TTC21A: variants seen among roughly 807,000 people sequenced by gnomAD.
TTC21A encodes tetratricopeptide repeat protein 21A.
A neutral mutation model predicts 156.4 loss-of-function variants in TTC21A; 128 were observed. The ratio of observed to expected loss-of-function variants is 0.82; its 90% CI spans 0.71 to 0.95. The LOEUF is 0.95. TTC21A is among the 40% of genes least tolerant of loss of function. The pLI is 0.00. For missense variants in TTC21A, 1,435 were observed against 1,602.3 expected (o/e 0.90, Z 1.78); for synonymous variants, 587 against 617.1 (o/e 0.95, Z 0.72).
chr3:39,134,256 G>T lies in TTC21A; in HGVS notation c.2790G>T (p.Gly930=), dbSNP rs1398876681. The T allele has an allele frequency of 4.3e-6, 7 of 1,613,860 alleles. No homozygotes were observed. The highest frequency in any genetic ancestry group is 5.9e-6 in the Non-Finnish European group (7 of 1,179,922). Residue 930 remains glycine, a synonymous_variant, in exon 21 of 29, where the codon GGG becomes GGT. Coordinates refer to ENST00000683103, the MANE Select transcript of TTC21A (RefSeq NM_001366900.1). The surrounding 1 kb of genome is among the most constrained non-coding windows in gnomAD (Gnocchi z 4.6). ...LELAQLYLLQ[G]HLDLCEQHCA... ...TGGCGCAGCTCTACCTGCTCCAGGG[G>T]CACCTGGACCTGTGTGAGCAGCACT...
chr3:39,130,673 G>A lies in TTC21A; in HGVS notation c.2320-28G>A, dbSNP rs754024172. ...GGCACTGAAGGGCAGAACCAGGCCA[G>A]AGGCTAATATTTACTGTTTGCACTA... is the stretch of plus-strand genomic sequence containing the variant. On this transcript the variant is annotated intron_variant, in intron 17 of 28. Coordinates refer to ENST00000683103, the MANE Select transcript of TTC21A (RefSeq NM_001366900.1). This position sits in a 1 kb window ranked among gnomAD's most constrained non-coding sequence, Gnocchi z 4.5. The A allele has an allele frequency of 6.2e-7, 1 of 1,612,576 alleles. No homozygotes were observed. The highest frequency in any genetic ancestry group is 1.3e-5 in the African/African-American group (1 of 74,894).
At position 39,130,649 on chromosome 3, in the gene TTC21A, G is replaced by A; in HGVS notation, c.2320-52G>A. The A allele has an allele frequency of 6.2e-7, 1 of 1,602,982 alleles. No homozygotes were observed. Among genetic ancestry groups the A allele is most frequent in the Non-Finnish European group, 8.5e-7 (1 of 1,172,674 alleles). On this transcript the variant is annotated intron_variant, in intron 17 of 28. Coordinates refer to ENST00000683103, the MANE Select transcript of TTC21A (RefSeq NM_001366900.1). The surrounding 1 kb of genome is among the most constrained non-coding windows in gnomAD (Gnocchi z 4.5). ...GCTGCTGAGGGGAACATGGTGTCGG[G>A]CACTGAAGGGCAGAACCAGGCCAGA...
rs750989863 is a variant in TTC21A at position 39,126,241 on chromosome 3, C to G, written c.1393-20C>G. ...GAATAGGGCAAACCTACTCCCACCT[C>G]CACCGCCGTGTTCCCACAGCCCAGG... On this transcript the variant is annotated intron_variant, in intron 11 of 28. Coordinates refer to ENST00000683103, the MANE Select transcript of TTC21A (RefSeq NM_001366900.1). The G allele has an allele frequency of 1.2e-6, 2 of 1,613,914 alleles. No homozygotes were observed. Among genetic ancestry groups the G allele is most frequent in the South Asian group, 1.1e-5 (1 of 91,062 alleles).
chr3:39,126,483 C>T (rs2038258325), intron 12 of TTC21A, 93 bp downstream of exon 12: 3 of 647,980 alleles, frequency 4.6e-6, no homozygotes, highest in Admixed American at 3.0e-5. Flanking sequence ...ACTACACACA[C>T]ACACACACAC....
At position 39,118,146 on chromosome 3, in the gene TTC21A, T is replaced by C. The variant is rs2037446019; in HGVS notation, c.794T>C (p.Met265Thr). The C allele has an allele frequency of 6.2e-7, 1 of 1,614,028 alleles. No homozygotes were observed. The highest frequency in any genetic ancestry group is 1.7e-5 in the Admixed American group (1 of 60,010). ...TVHELAREGNMTTATNHVRNL... is the reference protein window; with the variant it reads ...TVHELAREGNTTTATNHVRNL... Reference sequence around the variant, plus strand: ...CATGAGCTTGCAAGAGAAGGAAACATGACCACAGTAAGTTCTTTGAAGACT... The same window carrying C: ...CATGAGCTTGCAAGAGAAGGAAACACGACCACAGTAAGTTCTTTGAAGACT... Residue 265 changes from methionine to threonine, a missense_variant, in exon 7 of 29, where the codon ATG (methionine) becomes ACG (threonine). Coordinates refer to ENST00000683103, the MANE Select transcript of TTC21A (RefSeq NM_001366900.1).
intron 5 of TTC21A, among the ~76,000 whole-genome samples, chr3:39,114,082 A>C (rs1175800519): frequency 6.6e-6 from 1 of 152,226 alleles, no homozygotes; most frequent in Non-Finnish European, 1.5e-5. Flanking sequence ...ACCACAGCCC[A>C]ATAGGCCTTG....
Position 39,134,122 on chromosome 3 carries a change from T to C in TTC21A, c.2752-96T>C. ...AGACATATTTTGAAGGCAGAGCTGA[T>C]AGAAGTGGGGTGTGAGGGAAAGAGC... On this transcript the variant is annotated intron_variant, in intron 20 of 28. Transcript: ENST00000683103. This position sits in a 1 kb window ranked among gnomAD's most constrained non-coding sequence, Gnocchi z 4.6. The C allele has an allele frequency of 1.3e-6, 1 of 780,314 alleles. No individual in the cohort carries two copies. The highest frequency in any genetic ancestry group is 1.5e-5 in the South Asian group (1 of 67,340). 48.3% of individuals were successfully genotyped at this position (780,314 alleles called of 1,614,324 possible). A position where few individuals can be genotyped will look rare whatever the true frequency, so the allele number is the denominator to read the frequency against.
rs1265685654 is a variant in TTC21A at position 39,134,473 on chromosome 3, A to G, written c.2862+145A>G. 2.8e-6 allele frequency: 2 copies of G among 724,804 alleles called. No homozygotes were observed. Among genetic ancestry groups the G allele is most frequent in the African/African-American group, 3.5e-5 (2 of 57,758 alleles). The allele number at this position is 724,804 out of a possible 1,614,324, so 44.9% of individuals were successfully genotyped here. A position where few individuals can be genotyped will look rare whatever the true frequency, so the allele number is the denominator to read the frequency against. Reference sequence around the variant, plus strand: ...AGGAGCTGTCGGGCAGAGAGGACTCAGTGCTGCACCTACTCTGCCCTTTAG... The same window carrying G: ...AGGAGCTGTCGGGCAGAGAGGACTCGGTGCTGCACCTACTCTGCCCTTTAG... On this transcript the variant is annotated intron_variant, in intron 21 of 28. Transcript: ENST00000683103. The surrounding 1 kb of genome is among the most constrained non-coding windows in gnomAD (Gnocchi z 4.6).
intron 7 of TTC21A, chr3:39,118,366 G>A (rs888104218): frequency 1.5e-5 from 9 of 600,060 alleles, no homozygotes; most frequent in Non-Finnish European, 2.7e-5. Context: ...ATCAGGCAGT[G>A]AGATTGATTC....
At chr3:39,108,760 T>C (rs1008621914) in intron 1 of TTC21A, among the ~76,000 whole-genome samples, 1 of 152,214 alleles carries the variant, frequency 6.6e-6, no homozygotes, top group Non-Finnish European at 1.5e-5. Context: ...ATTCGTATAA[T>C]TTTTCTTATT....
chr3:39,112,138 T>G (rs2036886796), intron 4 of TTC21A, among the ~76,000 whole-genome samples: 1 of 152,070 alleles, frequency 6.6e-6, no homozygotes, highest in South Asian at 2.1e-4. Flanking sequence ...TGTGCCTCAG[T>G]AAGGGTCATG....
At chr3:39,112,831 C>T (rs2036949565) in intron 5 of TTC21A, among the ~76,000 whole-genome samples, 1 of 152,146 alleles carries the variant, frequency 6.6e-6, no homozygotes. Flanking sequence ...TTCTCAGGGT[C>T]ACTTTCTTAA....
intron 4 of TTC21A, 53 bp downstream of exon 4, chr3:39,111,070 T>G: frequency 6.5e-7 from 1 of 1,549,164 alleles, no homozygotes; most frequent in South Asian, 1.2e-5. Flanking sequence ...TCCAAACACA[T>G]AATAGCAGGG....
In TTC21A at chr3:39,119,980, C is replaced by T; in HGVS notation, c.860C>T (p.Pro287Leu). 6.2e-7 allele frequency: 1 copy of T among 1,609,974 alleles called. No homozygotes were observed. The highest frequency in any genetic ancestry group is 8.5e-7 in the Non-Finnish European group (1 of 1,176,742). The stretch of plus-strand genomic sequence containing the variant: ...CTAGAGACAAGGGAACCCGAAAATC[C>T]AAGCCTCCATCTTAAAAAAATTATT... ...KALETREPEN[P>L]SLHLKKIIVV... Residue 287 changes from proline to leucine, a missense_variant, in exon 8 of 29, where the codon CCA (proline) becomes CTA (leucine). Physicochemically the swap from Pro to Leu is moderately conservative, Grantham distance 98 (BLOSUM62 -3). Coordinates refer to ENST00000683103, the MANE Select transcript of TTC21A (RefSeq NM_001366900.1).
chr3:39,125,212 C>T (rs2038121506), intron 10 of TTC21A, 52 bp downstream of exon 10: 1 of 1,535,686 alleles, frequency 6.5e-7, no homozygotes, highest in Admixed American at 1.7e-5. Context: ...CCTCTGCTGT[C>T]CTCCCACCCC....
At chr3:39,109,351 C>T (rs1404794733) in intron 2 of TTC21A, 137 bp downstream of exon 2, 8 of 934,690 alleles carry the variant, frequency 8.6e-6, no homozygotes, top group South Asian at 1.8e-5. Context: ...TGGATTCCCA[C>T]GGGAATCCAC....
At position 39,130,745 on chromosome 3, in the gene TTC21A, C is replaced by T; in HGVS notation, c.2364C>T (p.Asp788=). 1 of 1,614,188 alleles carries T rather than the reference C, an allele frequency of 6.2e-7. No homozygotes were observed. Among genetic ancestry groups the T allele is most frequent in the Non-Finnish European group, 8.5e-7 (1 of 1,180,032 alleles). ...YEAAQKINGQ[D]FLCCDLGKLL... ...CTGCCCAGAAGATTAATGGACAGGA[C>T]TTTCTGTGCTGCGATCTGGGCAAAC... The change falls in exon 18 of 29, where the codon GAC becomes GAT. Residue 788 remains aspartate (D), a synonymous_variant. Coordinates refer to ENST00000683103, the MANE Select transcript of TTC21A (RefSeq NM_001366900.1). This position sits in a 1 kb window ranked among gnomAD's most constrained non-coding sequence, Gnocchi z 4.5.
chr3:39,128,412 G>A lies in TTC21A; in HGVS notation c.1604G>A (p.Cys535Tyr). 1 of 1,614,190 alleles carries A rather than the reference G, an allele frequency of 6.2e-7. No individual in the cohort carries two copies. Residue 535 changes from cysteine (C) to tyrosine (Y), a missense_variant, in exon 13 of 29, where the codon TGT becomes TAT. Coordinates refer to ENST00000683103, the MANE Select transcript of TTC21A (RefSeq NM_001366900.1). ...TCCGTGGATGCCCATCTCCTCATGT[G>A]TCAGATCTACTTGGCTCAGGGCAAC... ...PASVDAHLLM[C>Y]QIYLAQGNFG...
At chr3:39,124,658 C>CAAAAAA (rs60845030) in intron 9 of TTC21A, among the ~76,000 whole-genome samples, 1 of 71,040 alleles carries the variant, frequency 1.4e-5, no homozygotes, top group Non-Finnish European at 2.9e-5. Flanking sequence ...AACTCCGTCT[C>CAAAAAA]AAAAAAAAAA....
Sources: gnomAD v4.1 joint callset for allele counts (sites outside exome capture counted in the v4.1 genomes callset) on GRCh38, gnomAD v4.1.1 for gene constraint, Gnocchi (gnomAD v3.1) non-coding constraint, MANE v1.5 for transcripts, NCBI Gene and HGNC (gene_info 2026-07-23, HGNC 2026-07-21) for gene names.